Variants in BICD1 observed in about 807,000 individuals in gnomAD.
BICD1 encodes protein bicaudal D homolog 1.
BICD1 carries 35 observed loss-of-function variants against 92.5 expected under a neutral mutation model. The ratio of observed to expected loss-of-function variants is 0.38; its 90% CI spans 0.29 to 0.50. The LOEUF is 0.50. Ranked by LOEUF, BICD1 falls within the 20% of genes least tolerant of loss-of-function variation. The probability of loss-of-function intolerance (pLI) is 0.93; values close to 1 mark genes in which losing one functional copy is unlikely to be tolerated. For synonymous variants in BICD1, 429 were observed against 465.1 expected, an observed-to-expected ratio of 0.92 and a Z score of 1.00; for missense variants, 950 against 1,189.8, an observed-to-expected ratio of 0.80 and a Z score of 2.97.
intron 1 of BICD1, among the ~76,000 whole-genome samples, chr12:32,155,395 A>G (rs762982983): frequency 9.2e-5 from 14 of 152,254 alleles, no homozygotes; most frequent in Non-Finnish European, 1.8e-4. Flanking sequence ...TGGAGATTCA[A>G]ATTGAACCTT....
intron 2 of BICD1, among the ~76,000 whole-genome samples, chr12:32,253,401 T>C (rs1946618121): frequency 6.6e-6 from 1 of 152,176 alleles, no homozygotes. Flanking sequence ...ACTGGACTTC[T>C]CTAACAGCAT....
At chr12:32,249,009 C>T (rs892961691) in intron 2 of BICD1, among the ~76,000 whole-genome samples, 2 of 152,190 alleles carry the variant, frequency 1.3e-5, no homozygotes, top group African/African-American at 2.4e-5. Context: ...GGCAAGCCCC[C>T]TGTGCAAGTT....
chr12:32,192,304 C>T (rs973932392), intron 1 of BICD1, among the ~76,000 whole-genome samples: 18 of 151,230 alleles, frequency 1.2e-4, no homozygotes, highest in African/African-American at 3.0e-4. Context: ...CATGGTGGCA[C>T]GTGCCTGTAG....
chr12:32,252,149 TTACATATTA>T (rs368327755), intron 2 of BICD1, among the ~76,000 whole-genome samples: 79 of 34,896 alleles, frequency 2.3e-3, no homozygotes, highest in Non-Finnish European at 3.0e-3. Flanking sequence ...ATATTATATA[TTACATATTA>T]TATATTTATA....
intron 4 of BICD1, among the ~76,000 whole-genome samples, chr12:32,309,016 A>G (rs1328950072): frequency 6.6e-6 from 1 of 152,154 alleles, no homozygotes. Context: ...AGCGTTTTTA[A>G]AAAGCATGTC....
intron 2 of BICD1, among the ~76,000 whole-genome samples, chr12:32,255,220 C>T (rs957878310): frequency 6.6e-6 from 1 of 152,158 alleles, no homozygotes; most frequent in Admixed American, 6.6e-5. Context: ...CATATAAAGG[C>T]ACTGATTCCA....
At chr12:32,166,424 C>T (rs1170389361) in intron 1 of BICD1, among the ~76,000 whole-genome samples, 2 of 152,150 alleles carry the variant, frequency 1.3e-5, no homozygotes, top group African/African-American at 4.8e-5. Context: ...GTGTGGGCCA[C>T]CGCGCCAGGC....
At chr12:32,227,344 G>C (rs909841518) in intron 2 of BICD1, 4 of 152,392 alleles carry the variant, frequency 2.6e-5, no homozygotes, top group Non-Finnish European at 5.9e-5. Flanking sequence ...TGCCCCAAGG[G>C]GAGGGGTAAG....
At chr12:32,364,721 C>T (rs1036399722) in intron 8 of BICD1, among the ~76,000 whole-genome samples, 3 of 151,960 alleles carry the variant, frequency 2.0e-5, no homozygotes, top group Non-Finnish European at 2.9e-5. Flanking sequence ...GAGGCCGAGG[C>T]AGGAAGACTG....
Position 32,233,749 on chromosome 12 carries a change from C to T in BICD1, c.426+17290C>T, listed in dbSNP as rs971433704. Among the ~76,000 whole-genome samples the T allele has an allele frequency of 7.9e-5, 12 of 152,262 alleles. No individual in the cohort carries two copies. The South Asian group carries it at 1.5e-3, about 18-fold the overall frequency. On this transcript the variant is annotated intron_variant, in intron 2 of 9. Transcript: ENST00000652176. ...TTTGTTCCTTGTGCAGCCTGGTAGG[C>T]GGGCAAGTAATGCATAGTCAGCATT... is the stretch of plus-strand genomic sequence containing the variant.
At chr12:32,281,267 T>C (rs895236304) in intron 2 of BICD1, among the ~76,000 whole-genome samples, 2 of 152,232 alleles carry the variant, frequency 1.3e-5, no homozygotes, top group Non-Finnish European at 2.9e-5. Context: ...ACATTTACTT[T>C]TTCCTGGTTA....
chr12:32,122,557 T>C (rs1299636623), intron 1 of BICD1, among the ~76,000 whole-genome samples: 2 of 152,182 alleles, frequency 1.3e-5, no homozygotes, highest in African/African-American at 2.4e-5. Flanking sequence ...TCAGGTCTTC[T>C]ATCTTAATTA....
intron 1 of BICD1, among the ~76,000 whole-genome samples, chr12:32,111,219 G>A (rs1941680319): frequency 6.6e-6 from 1 of 152,168 alleles, no homozygotes; most frequent in Non-Finnish European, 1.5e-5. Context: ...TGACACCAAG[G>A]ATAGTTACCA....
chr12:32,252,488 T>C (rs976622138), intron 2 of BICD1, among the ~76,000 whole-genome samples: 13 of 150,784 alleles, frequency 8.6e-5, no homozygotes, highest in Non-Finnish European at 1.8e-4. Context: ...TCCAGGAGGG[T>C]CTCCATCTGG....
rs761821755 is a variant in BICD1 at position 32,338,942 on chromosome 12, G to A, written c.2727G>A (p.Arg909=). The A allele has an allele frequency of 6.2e-7, 1 of 1,605,380 alleles. No individual in the cohort carries two copies. Among genetic ancestry groups the A allele is most frequent in the Admixed American group, 1.7e-5 (1 of 58,160 alleles). Residue 909 remains arginine (R), a synonymous_variant, in exon 8 of 10, where the codon CGG becomes CGA. Coordinates refer to ENST00000652176, the MANE Select transcript of BICD1 (RefSeq NM_001714.4). The stretch of plus-strand genomic sequence containing the variant: ...TGAGTGAATTCATCCAAGGGCACCG[G>A]CTCAGCAAGGAAAAAAGGTTAACCG... ...PSMSEFIQGH[R]LSKEKRLTVA...
At chr12:32,291,998 A>G (rs971493108) in intron 2 of BICD1, among the ~76,000 whole-genome samples, 6 of 152,166 alleles carry the variant, frequency 3.9e-5, no homozygotes, top group African/African-American at 9.7e-5. Context: ...TGCAAAGATA[A>G]CAGTGCATTT....
At chr12:32,292,823 A>G (rs1279644951) in intron 2 of BICD1, among the ~76,000 whole-genome samples, 1 of 152,250 alleles carries the variant, frequency 6.6e-6, no homozygotes, top group Non-Finnish European at 1.5e-5. Flanking sequence ...AAACTTTTAT[A>G]TCCCATCTTT....
intron 8 of BICD1, chr12:32,353,173 A>G (rs922789894): frequency 2.6e-5 from 4 of 152,236 alleles, no homozygotes; most frequent in Non-Finnish European, 5.9e-5. Context: ...CTTTGCTTCA[A>G]TTAAATTTCT....
At chr12:32,375,884 T>A (rs1939935217) in intron 9 of BICD1, among the ~76,000 whole-genome samples, 1 of 152,194 alleles carries the variant, frequency 6.6e-6, no homozygotes, top group Non-Finnish European at 1.5e-5. Context: ...TAAAGCTAAT[T>A]TTAATTAGCT....
Sources: gnomAD v4.1 joint callset for allele counts (sites outside exome capture counted in the v4.1 genomes callset) on GRCh38, gnomAD v4.1.1 for gene constraint, MANE v1.5 for transcripts, NCBI Gene and HGNC (gene_info 2026-07-23, HGNC 2026-07-21) for gene names.